Variants in RPS6KC1 observed in about 807,000 individuals in gnomAD.
The protein encoded by RPS6KC1 is ribosomal protein S6 kinase C1, also known as inactive ribosomal protein S6 kinase delta-1.
RPS6KC1 carries 54 observed loss-of-function variants against 103.8 expected under a neutral mutation model. The observed-to-expected ratio is 0.52, with a 90% CI of 0.42 to 0.65. RPS6KC1 has a LOEUF of 0.65. RPS6KC1 is among the 30% of genes least tolerant of loss of function. The probability of loss-of-function intolerance (pLI) is 0.00; values close to 1 mark genes in which losing one functional copy is unlikely to be tolerated. For synonymous variants in RPS6KC1, 439 were observed against 438.7 expected (o/e 1.00, Z -0.01); for missense variants, 1,151 against 1,253.8 (o/e 0.92, Z 1.24).
the RPS6KC1 span, among the ~76,000 whole-genome samples, chr1:213,624,913 G>T: frequency 6.6e-6 from 1 of 152,106 alleles, no homozygotes; most frequent in Non-Finnish European, 1.5e-5. Flanking sequence ...AATTTGAGGG[G>T]CGACATAAAC....
At chr1:213,375,058 CACAT>C in the RPS6KC1 span, among the ~76,000 whole-genome samples, 6 of 152,022 alleles carry the variant, frequency 3.9e-5, no homozygotes, top group South Asian at 4.2e-4. Context: ...CACACGTACA[CACAT>C]ACACACACAT....
intron 12 of RPS6KC1, among the ~76,000 whole-genome samples, chr1:213,249,702 T>C (rs2094511741): frequency 6.6e-6 from 1 of 152,216 alleles, no homozygotes; most frequent in African/African-American, 2.4e-5. Context: ...CTGTTGGTTT[T>C]TTCCTACTAG....
At chr1:213,451,465 T>C in the RPS6KC1 span, among the ~76,000 whole-genome samples, 2 of 152,238 alleles carry the variant, frequency 1.3e-5, no homozygotes, top group East Asian at 3.8e-4. Context: ...GAAGATTGCA[T>C]GGAACAGGGA....
the RPS6KC1 span, among the ~76,000 whole-genome samples, chr1:213,668,045 A>G: frequency 6.6e-6 from 1 of 152,198 alleles, no homozygotes; most frequent in Non-Finnish European, 1.5e-5. Flanking sequence ...AAAATCATCT[A>G]TGAGCATTGG....
chr1:213,764,102 A>G, the RPS6KC1 span, among the ~76,000 whole-genome samples: 1 of 152,246 alleles, frequency 6.6e-6, no homozygotes, highest in Admixed American at 6.5e-5. Context: ...ACATTGGCAC[A>G]ATATTTGTCG....
At chr1:213,156,170 A>G (rs963557286) in intron 6 of RPS6KC1, among the ~76,000 whole-genome samples, 5 of 152,194 alleles carry the variant, frequency 3.3e-5, no homozygotes, top group South Asian at 2.1e-4. Flanking sequence ...AAGAATTACA[A>G]AAGACCAAAC....
the RPS6KC1 span, among the ~76,000 whole-genome samples, chr1:213,427,448 A>G: frequency 6.6e-6 from 1 of 152,200 alleles, no homozygotes; most frequent in African/African-American, 2.4e-5. Context: ...GGAACCTCAA[A>G]GGCCAAATTT....
the RPS6KC1 span, among the ~76,000 whole-genome samples, chr1:213,569,930 G>T: frequency 6.6e-6 from 1 of 152,224 alleles, no homozygotes; most frequent in Non-Finnish European, 1.5e-5. Flanking sequence ...TCCATAGGAA[G>T]TTAATTGAAG....
At position 213,068,483 on chromosome 1, in the gene RPS6KC1, CAAAAAAAA is replaced by C. The variant is rs71147057; in HGVS notation, c.106-2504_106-2497del. Among the ~76,000 whole-genome samples, 246 of 36,340 alleles carry C rather than the reference CAAAAAAAA, an allele frequency of 6.8e-3. 2 individuals are homozygous for C. The highest frequency in any genetic ancestry group is 0.025 in the African/African-American group (225 of 8,852). 23.8% of individuals were successfully genotyped at this position (36,340 alleles called of 152,430 possible). ...TGGGTGACAGAGCAAGACTCTGTCT[CAAAAAAAA>C]AAAAAAAAAAAAAAAAAAGAAACAC... is the stretch of plus-strand genomic sequence containing the variant. On this transcript the variant is annotated intron_variant, in intron 1 of 14. Coordinates refer to ENST00000366960, the MANE Select transcript of RPS6KC1 (RefSeq NM_012424.6).
At chr1:213,189,224 G>A (rs1007188090) in intron 8 of RPS6KC1, among the ~76,000 whole-genome samples, 1 of 152,050 alleles carries the variant, frequency 6.6e-6, no homozygotes, top group Non-Finnish European at 1.5e-5. Context: ...CGAAGTGGGT[G>A]GATCACTTGA....
downstream of RPS6KC1, among the ~76,000 whole-genome samples, chr1:213,279,366 G>T (rs2095118491): frequency 6.6e-6 from 1 of 151,984 alleles, no homozygotes. Context: ...CCTTTTTCTT[G>T]AAGTCAGTTT....
chr1:213,409,271 AT>A, the RPS6KC1 span, among the ~76,000 whole-genome samples: 5 of 152,042 alleles, frequency 3.3e-5, no homozygotes, highest in African/African-American at 1.2e-4. Context: ...CAAAACCGCA[AT>A]TACTTTTGCA....
At chr1:213,207,876 T>G (rs920539471) in intron 8 of RPS6KC1, among the ~76,000 whole-genome samples, 5 of 152,254 alleles carry the variant, frequency 3.3e-5, no homozygotes, top group African/African-American at 1.2e-4. Context: ...TTTCACCATG[T>G]TGGCCAGGCT....
chr1:213,805,258 C>T, the RPS6KC1 span, among the ~76,000 whole-genome samples: 1 of 152,156 alleles, frequency 6.6e-6, no homozygotes, highest in Non-Finnish European at 1.5e-5. Flanking sequence ...TTTGCCACAT[C>T]AATTGACTCA....
chr1:213,214,764 A>G (rs140355800), intron 8 of RPS6KC1, among the ~76,000 whole-genome samples: 5,131 of 152,308 alleles, frequency 0.034, 117 homozygotes, highest in Middle Eastern at 0.054. Flanking sequence ...CCAGGCAAAC[A>G]GGGTCTGGAG....
the RPS6KC1 span, among the ~76,000 whole-genome samples, chr1:213,364,816 G>C: frequency 6.6e-6 from 1 of 152,022 alleles, no homozygotes; most frequent in African/African-American, 2.4e-5. Flanking sequence ...AAATTAGTCA[G>C]GCATAGTGGC....
chr1:213,768,928 G>A, the RPS6KC1 span, among the ~76,000 whole-genome samples: 3 of 152,128 alleles, frequency 2.0e-5, no homozygotes, highest in South Asian at 2.1e-4. Context: ...AAAGGATGCT[G>A]AATGTTACAG....
the RPS6KC1 span, among the ~76,000 whole-genome samples, chr1:213,506,082 C>T: frequency 6.6e-6 from 1 of 152,166 alleles, no homozygotes; most frequent in Non-Finnish European, 1.5e-5. Context: ...TCAACAGTAA[C>T]TGTGACTGGG....
At chr1:213,728,293 A>G in the RPS6KC1 span, among the ~76,000 whole-genome samples, 1 of 152,280 alleles carries the variant, frequency 6.6e-6, no homozygotes, top group East Asian at 1.9e-4. Context: ...TGTGAGAAAA[A>G]TGTACCGCAT....
Sources: allele counts gnomAD v4.1 joint callset (sites outside exome capture counted in the v4.1 genomes callset), GRCh38; gene constraint gnomAD v4.1.1; transcripts MANE v1.5; gene names NCBI Gene and HGNC (gene_info 2026-07-23, HGNC 2026-07-21).